The following GGA1 variants were observed in gnomAD, a reference collection of about 807,000 sequenced individuals.
GGA1 encodes golgi associated, gamma adaptin ear containing, ARF binding protein 1, also known as ADP-ribosylation factor-binding protein GGA1.
In GGA1, 18 loss-of-function variants were observed where a neutral mutation model predicts 76.9. That is an observed-to-expected ratio of 0.23 (90% confidence interval 0.16 to 0.35). GGA1 has a LOEUF of 0.35. Among genes scored for constraint, GGA1 ranks in the 10% least tolerant of loss-of-function variants. GGA1 has a pLI of 1.00. For missense variants in GGA1, 755 were observed against 859.0 expected, an observed-to-expected ratio of 0.88 and a Z score of 1.51; for synonymous variants, 342 against 354.7, an observed-to-expected ratio of 0.96 and a Z score of 0.40.
chr22:37,623,492 C>T lies in GGA1; in HGVS notation c.750+25C>T, dbSNP rs199535222. ...GGTGCACCTGCCTCCCTGCCTACCC[C>T]ACTCCCTGCCCACTCCACAGCCCAC... On this transcript the variant is annotated intron_variant, in intron 8 of 16. Transcript: ENST00000343632. The surrounding 1 kb of genome is among the most constrained non-coding windows in gnomAD (Gnocchi z 4.6). The T allele has an allele frequency of 1.5e-5, 24 of 1,613,472 alleles. No individual in the cohort carries two copies. The African/African-American group carries it at 2.4e-4, about 16-fold the overall frequency.
chr22:37,626,253 G>T, intron 11 of GGA1: 1 of 268,364 alleles, frequency 3.7e-6, no homozygotes, highest in Non-Finnish European at 7.0e-6. Flanking sequence ...ACAGGTTAGA[G>T]CCTGGAATTG....
intron 1 of GGA1, chr22:37,609,118 C>A (rs1390674746): frequency 6.7e-7 from 1 of 1,484,216 alleles, no homozygotes; most frequent in Non-Finnish European, 9.0e-7. Flanking sequence ...CGCCGCCCAC[C>A]TGTCGGATCC....
chr22:37,608,910 G>T lies in GGA1; in HGVS notation c.43+7G>T. 7.6e-7 allele frequency: 1 copy of T among 1,322,878 alleles called. No homozygotes were observed. Among genetic ancestry groups the T allele is most frequent in the Non-Finnish European group, 9.6e-7 (1 of 1,036,544 alleles). 81.9% of individuals were successfully genotyped at this position (1,322,878 alleles called of 1,614,324 possible). A position where few individuals can be genotyped will look rare whatever the true frequency, so the allele number is the denominator to read the frequency against. On this transcript the variant is annotated splice_region_variant and intron_variant, in intron 1 of 16. Transcript: ENST00000343632. The stretch of plus-strand genomic sequence containing the variant: ...ACTCTGGAGGCGCGAATCAGTGAGT[G>T]TCCGGGAGGGGCGCGGGCCGGACCG...
At chr22:37,618,669 A>G (rs1266526114) in intron 4 of GGA1, 123 bp downstream of exon 4, 1 of 630,514 alleles carries the variant, frequency 1.6e-6, no homozygotes, top group Non-Finnish European at 2.9e-6. Flanking sequence ...TCAGCCCCCC[A>G]TTAGAACTCA....
rs371833040 is a variant in GGA1, at chr22:37,632,180, G to A, written c.1698+15G>A. On this transcript the variant is annotated intron_variant, in intron 15 of 16. Coordinates refer to ENST00000343632, the MANE Select transcript of GGA1 (RefSeq NM_013365.5). This position sits in a 1 kb window ranked among gnomAD's most constrained non-coding sequence, Gnocchi z 5.1. ...CTGTCCCCAAGGTGACAAGCCAGTC[G>A]GACAGGGCATGCCTCCCTCCTCTCA... The A allele has an allele frequency of 1.1e-4, 181 of 1,603,046 alleles. 3 individuals carry two copies. Among genetic ancestry groups the A allele is most frequent in the South Asian group, 2.0e-4 (18 of 90,484 alleles).
intron 3 of GGA1, 48 bp downstream of exon 3, chr22:37,617,045 C>T (rs554377029): frequency 3.2e-6 from 5 of 1,561,816 alleles, no homozygotes; most frequent in South Asian, 2.4e-5. Context: ...GTGACGACAC[C>T]AAGGGAGGCC....
rs150319275 is a variant in GGA1, at chr22:37,620,280, T to C, written c.346T>C (p.Leu116=). The change falls in exon 5 of 17, where the codon TTG becomes CTG. Residue 116 remains leucine, a synonymous_variant. Transcript: ENST00000343632. The part of the protein sequence containing the change: ...RTSEKVKNKI[L]ELLYSWTVGL... ...ATCGGAGAAGGTGAAGAACAAGATC[T>C]TGGAGCTCCTCTACAGCTGGACAGT... 4.3e-6 allele frequency: 7 copies of C among 1,613,778 alleles called. No individual in the cohort carries two copies. The African/African-American group carries it at 5.3e-5, about 12-fold the overall frequency.
At chr22:37,609,096 G>A (rs1201188965) in intron 1 of GGA1, 193 bp downstream of exon 1, 4 of 1,490,212 alleles carry the variant, frequency 2.7e-6, no homozygotes, top group Admixed American at 2.2e-5. Context: ...GCGGTCCAGC[G>A]GTGGGAGCGG....
In GGA1 at chr22:37,632,890, C is replaced by T. The variant is rs538690480; in HGVS notation, c.*179C>T. 1.7e-6 allele frequency: 1 copy of T among 591,938 alleles called. No homozygotes were observed. Among genetic ancestry groups the T allele is most frequent in the African/African-American group, 1.9e-5 (1 of 53,806 alleles). 36.7% of individuals were successfully genotyped at this position (591,938 alleles called of 1,614,324 possible). ...CTTCCCCCTCCTGCTCCGGCCCCGC[C>T]CCTGCTGAGCCAAACCCAGTAGGAG... is the stretch of plus-strand genomic sequence containing the variant. On this transcript the variant is annotated 3_prime_UTR_variant, in exon 17 of 17. Transcript: ENST00000343632. The surrounding 1 kb of genome is among the most constrained non-coding windows in gnomAD (Gnocchi z 5.1).
chr22:37,613,825 A>AC (rs1161739412), intron 1 of GGA1: 1 of 193,868 alleles, frequency 5.2e-6, no homozygotes, highest in African/African-American at 2.3e-5. Context: ...TTTCTCCCTT[A>AC]CTTCTGGATC....
In GGA1 at chr22:37,608,839, C is replaced by T. The variant is rs551430633; in HGVS notation, c.-22C>T. On this transcript the variant is annotated 5_prime_UTR_variant, in exon 1 of 17. Transcript: ENST00000343632. ...GCTGCGGGGGGCGGGGGGGCGGTGC[C>T]GAGGCTGGGGGCCGGTGGCGGATGG... 13,430 of 1,304,756 alleles carry T rather than the reference C, an allele frequency of 0.01. 73 individuals are homozygous for T. The highest frequency in any genetic ancestry group is 0.012 in the Non-Finnish European group (12,224 of 1,028,690). 80.8% of individuals were successfully genotyped at this position (1,304,756 alleles called of 1,614,324 possible).
chr22:37,619,374 T>C (rs928565830), intron 4 of GGA1, among the ~76,000 whole-genome samples: 15 of 141,030 alleles, frequency 1.1e-4, no homozygotes, highest in Non-Finnish European at 1.7e-4. Context: ...CTACCTACCG[T>C]GAACATTTTT....
At position 37,624,175 on chromosome 22, in the gene GGA1, C is replaced by G. The variant is rs1243095259; in HGVS notation, c.832+542C>G. On this transcript the variant is annotated intron_variant, in intron 9 of 16. Coordinates refer to ENST00000343632, the MANE Select transcript of GGA1 (RefSeq NM_013365.5). The surrounding 1 kb of genome is among the most constrained non-coding windows in gnomAD (Gnocchi z 4.3). The stretch of plus-strand genomic sequence containing the variant: ...GGGTACCATCCACTCCCTCATTAAG[C>G]AGGAGCCCCACCCACAAGGCTCACT... 1 of 161,960 alleles carries G rather than the reference C, an allele frequency of 6.2e-6. No individual in the cohort carries two copies. Among genetic ancestry groups the G allele is most frequent in the Non-Finnish European group, 1.4e-5 (1 of 72,568 alleles). The allele number at this position is 161,960 out of a possible 1,614,324, so 10.0% of individuals were successfully genotyped here.
rs1189273271 is a variant in GGA1 at position 37,633,115 on chromosome 22, A to G, written c.*404A>G. On this transcript the variant is annotated 3_prime_UTR_variant, in exon 17 of 17. Transcript: ENST00000343632. Reference sequence around the variant, plus strand: ...TTATGCCTTATGGGAAGGCCCAGCCATAACTCGGGGGCCATGCTGGAGCTG... The same window carrying G: ...TTATGCCTTATGGGAAGGCCCAGCCGTAACTCGGGGGCCATGCTGGAGCTG... 4.4e-5 allele frequency: 8 copies of G among 183,412 alleles called. No individual in the cohort carries two copies. Among genetic ancestry groups the G allele is most frequent in the Admixed American group, 2.7e-4 (5 of 18,222 alleles). 11.4% of individuals were successfully genotyped at this position (183,412 alleles called of 1,614,324 possible).
At chr22:37,618,288 C>T (rs924088163) in intron 3 of GGA1, 160 bp from the exon 4 acceptor site, 2 of 598,744 alleles carry the variant, frequency 3.3e-6, no homozygotes, top group South Asian at 1.9e-5. Flanking sequence ...GATGACCAGT[C>T]CCAGAGGCCT....
Position 37,631,982 on chromosome 22 carries a change from A to G in GGA1, c.1529-14A>G, listed in dbSNP as rs1463116251. The G allele has an allele frequency of 2.5e-6, 4 of 1,595,022 alleles. No individual in the cohort carries two copies. Among genetic ancestry groups the G allele is most frequent in the African/African-American group, 1.3e-5 (1 of 74,600 alleles). The stretch of plus-strand genomic sequence containing the variant: ...AGCTCAGCTGTCCCATCGCCCTCCC[A>G]CCTTCTCCCACAGGCAACATCCTGC... On this transcript the variant is annotated splice_polypyrimidine_tract_variant and intron_variant, in intron 14 of 16. Transcript: ENST00000343632.
In GGA1 at chr22:37,630,972, C is replaced by T; in HGVS notation, c.1401C>T (p.Ser467=). The T allele has an allele frequency of 6.2e-7, 1 of 1,613,064 alleles. No individual in the cohort carries two copies. The highest frequency in any genetic ancestry group is 8.5e-7 in the Non-Finnish European group (1 of 1,179,408). ...DLQNKSSSCS[S]PSSSATSLLH... Reference sequence around the variant, plus strand: ...AGAATAAGAGCAGCAGCTGCAGCTCCCCCAGCTCCAGCGCCACCAGCCTTC... The same window carrying T: ...AGAATAAGAGCAGCAGCTGCAGCTCTCCCAGCTCCAGCGCCACCAGCCTTC... The change falls in exon 14 of 17, where the codon TCC becomes TCT. Residue 467 remains serine, a synonymous_variant. Coordinates refer to ENST00000343632, the MANE Select transcript of GGA1 (RefSeq NM_013365.5).
chr22:37,624,904 G>C lies in GGA1; in HGVS notation c.833-65G>C. Reference sequence around the variant, plus strand: ...AGGCTGTGATGGATGTGGGGTCCTCGTCCCCTGCCGCCCAGAGGCCCCCAC... The same window carrying C: ...AGGCTGTGATGGATGTGGGGTCCTCCTCCCCTGCCGCCCAGAGGCCCCCAC... On this transcript the variant is annotated intron_variant, in intron 9 of 16. Transcript: ENST00000343632. This position sits in a 1 kb window ranked among gnomAD's most constrained non-coding sequence, Gnocchi z 4.3. 4 of 1,529,546 alleles carry C rather than the reference G, an allele frequency of 2.6e-6. No homozygotes were observed. The highest frequency in any genetic ancestry group is 3.5e-6 in the Non-Finnish European group (4 of 1,132,426). 94.7% of individuals were successfully genotyped at this position (1,529,546 alleles called of 1,614,324 possible).
At position 37,624,878 on chromosome 22, in the gene GGA1, C is replaced by T. The variant is rs1930526235; in HGVS notation, c.833-91C>T. On this transcript the variant is annotated intron_variant, in intron 9 of 16. Transcript: ENST00000343632. This position sits in a 1 kb window ranked among gnomAD's most constrained non-coding sequence, Gnocchi z 4.3. The stretch of plus-strand genomic sequence containing the variant: ...TGCCCCTTTCCCTTCCCCTCACACA[C>T]AGGCTGTGATGGATGTGGGGTCCTC... 6.7e-7 allele frequency: 1 copy of T among 1,496,942 alleles called. No individual in the cohort carries two copies. The highest frequency in any genetic ancestry group is 1.3e-5 in the South Asian group (1 of 79,674). The allele number at this position is 1,496,942 out of a possible 1,614,324, so 92.7% of individuals were successfully genotyped here. A position where few individuals can be genotyped will look rare whatever the true frequency, so the allele number is the denominator to read the frequency against.
Sources: gnomAD v4.1 joint callset for allele counts (sites outside exome capture counted in the v4.1 genomes callset) on GRCh38, gnomAD v4.1.1 for gene constraint, Gnocchi (gnomAD v3.1) non-coding constraint, MANE v1.5 for transcripts, NCBI Gene and HGNC (gene_info 2026-07-23, HGNC 2026-07-21) for gene names.